The following ZNF638 variants were observed in gnomAD, a reference collection of about 807,000 sequenced individuals.
The protein encoded by ZNF638 is CTCL tumor antigen se33-1.
A neutral mutation model predicts 195.6 loss-of-function variants in ZNF638; 46 were observed. The observed-to-expected ratio is 0.24, with a 90% CI of 0.19 to 0.30. ZNF638 has a LOEUF of 0.30. Among genes scored for constraint, ZNF638 ranks in the 10% least tolerant of loss-of-function variants. The pLI is 1.00. For synonymous variants in ZNF638, 845 were observed against 772.0 expected (o/e 1.09, Z -1.57); for missense variants, 2,440 against 2,325.3 (o/e 1.05, Z -1.01).
Position 71,379,715 on chromosome 2 carries a change from G to A in ZNF638, c.2266-507G>A, listed in dbSNP as rs150524631. On this transcript the variant is annotated intron_variant, in intron 8 of 27. Coordinates refer to ENST00000264447, the MANE Select transcript of ZNF638 (RefSeq NM_014497.5). ...ATTTTGACAGACCGTATTCACGTAA[G>A]TTTTATTACACTATATTCTTACAAC... is the stretch of plus-strand genomic sequence containing the variant. The A allele has an allele frequency of 5.3e-5, 8 of 152,328 alleles. No individual in the cohort carries two copies. In the East Asian group the frequency reaches 1.5e-3, roughly 29 times the overall value. The allele number at this position is 152,328 out of a possible 1,614,324, so 9.4% of individuals were successfully genotyped here.
chr2:71,408,510 A>ACT, intron 20 of ZNF638: 1 of 366,286 alleles, frequency 2.7e-6, no homozygotes, highest in Non-Finnish European at 5.0e-6. Context: ...GTGTATAGTG[A>ACT]CTCTTTGTAT....
At chr2:71,339,593 A>G (rs1459090914) in intron 1 of ZNF638, among the ~76,000 whole-genome samples, 2 of 152,200 alleles carry the variant, frequency 1.3e-5, no homozygotes, top group Non-Finnish European at 1.5e-5. Flanking sequence ...AACAATTGGG[A>G]CTGGATATTG....
intron 8 of ZNF638, among the ~76,000 whole-genome samples, chr2:71,373,437 A>ATTTTTTTTTTT (rs754117239): frequency 1.4e-5 from 1 of 71,012 alleles, no homozygotes; most frequent in African/African-American, 5.6e-5. Flanking sequence ...TCAAGTTTGA[A>ATTTTTTTTTTT]TTTTTTTTTT....
At chr2:71,395,216 A>T in intron 10 of ZNF638, 1 of 717,096 alleles carries the variant, frequency 1.4e-6, no homozygotes, top group South Asian at 1.5e-5. Context: ...AATTATACTC[A>T]TGTTTGTCTT....
intron 26 of ZNF638, among the ~76,000 whole-genome samples, chr2:71,431,919 G>A (rs1381945813): frequency 6.6e-6 from 1 of 152,184 alleles, no homozygotes; most frequent in Admixed American, 6.5e-5. Flanking sequence ...ACCTGAGAAG[G>A]ATATTTTTAC....
chr2:71,385,092 A>C (rs1035619681), intron 10 of ZNF638, among the ~76,000 whole-genome samples: 1 of 152,244 alleles, frequency 6.6e-6, no homozygotes, highest in Non-Finnish European at 1.5e-5. Context: ...TGACAAAGAC[A>C]CTACACACCT....
In ZNF638 at chr2:71,399,659, G is replaced by A. The variant is rs2079966035; in HGVS notation, c.2587+14G>A. The stretch of plus-strand genomic sequence containing the variant: ...TGACTATACCAGGTAAGCTTGAAAT[G>A]TGGTCATTCAGTGCTTTGTTTTCTT... On this transcript the variant is annotated intron_variant, in intron 13 of 27. Transcript: ENST00000264447. The A allele has an allele frequency of 6.3e-7, 1 of 1,594,130 alleles. No homozygotes were observed. The highest frequency in any genetic ancestry group is 2.2e-5 in the East Asian group (1 of 44,628).
intron 10 of ZNF638, chr2:71,393,573 G>A: frequency 2.8e-6 from 2 of 718,014 alleles, no homozygotes; most frequent in South Asian, 3.0e-5. Context: ...CAACTTACAA[G>A]GCTGAGCAAA....
At chr2:71,403,539 C>A (rs529464015) in intron 16 of ZNF638, among the ~76,000 whole-genome samples, 1 of 152,236 alleles carries the variant, frequency 6.6e-6, no homozygotes, top group Admixed American at 6.5e-5. Context: ...AGAAATATAT[C>A]TGCTACATGC....
rs149932567 is a variant in ZNF638 at position 71,349,099 on chromosome 2, C to T, written c.145C>T (p.Arg49Cys). 35 of 1,613,974 alleles carry T rather than the reference C, an allele frequency of 2.2e-5. No homozygotes were observed. Among genetic ancestry groups the T allele is most frequent in the Non-Finnish European group, 2.4e-5 (28 of 1,180,032 alleles). ...AAGATTTTACCCAGCAGGGAGAGCA[C>T]GTGGAATTCCACACAGATTTGCTGG... is the stretch of plus-strand genomic sequence containing the variant. ...LPRFYPAGRA[R>C]GIPHRFAGHE... Residue 49 changes from arginine to cysteine, a missense_variant, in exon 2 of 28, where the codon CGT becomes TGT. By Grantham distance (180) the Arg-to-Cys change is radical. Coordinates refer to ENST00000264447, the MANE Select transcript of ZNF638 (RefSeq NM_014497.5).
chr2:71,427,432 G>A lies in ZNF638; in HGVS notation c.5545+18G>A. On this transcript the variant is annotated intron_variant, in intron 24 of 27. Transcript: ENST00000264447. ...CTTAACAGGTAGATACTTGGAAGGGGTAGTCTTTCTGTTTTATGAGGGGAT... is the reference window on the plus strand; with the variant it reads ...CTTAACAGGTAGATACTTGGAAGGGATAGTCTTTCTGTTTTATGAGGGGAT... 4.7e-6 allele frequency: 7 copies of A among 1,502,396 alleles called. No individual in the cohort carries two copies. Among genetic ancestry groups the A allele is most frequent in the Non-Finnish European group, 6.2e-6 (7 of 1,128,100 alleles). 93.1% of individuals were successfully genotyped at this position (1,502,396 alleles called of 1,614,324 possible).
intron 10 of ZNF638, chr2:71,395,420 C>A: frequency 1.5e-6 from 1 of 645,968 alleles, no homozygotes; most frequent in Admixed American, 2.5e-5. Flanking sequence ...TCTTGGAAGT[C>A]CAGGAGGTTT....
At chr2:71,334,638 T>C (rs2078631646) in intron 1 of ZNF638, 2 of 151,924 alleles carry the variant, frequency 1.3e-5, no homozygotes, top group African/African-American at 2.4e-5. Context: ...ATAATGCGGG[T>C]GAGGGCCGGG....
intron 1 of ZNF638, among the ~76,000 whole-genome samples, chr2:71,339,711 G>A (rs3771379): frequency 6.6e-6 from 1 of 151,890 alleles, no homozygotes; most frequent in Non-Finnish European, 1.5e-5. Flanking sequence ...GCAGTAAATA[G>A]GGCTGTTAAC....
At chr2:71,378,403 A>C (rs1012560098) in intron 8 of ZNF638, among the ~76,000 whole-genome samples, 3 of 152,218 alleles carry the variant, frequency 2.0e-5, no homozygotes, top group African/African-American at 4.8e-5. Flanking sequence ...ATATAGTGCA[A>C]AAGGAAATGA....
rs1470131029 is a variant in ZNF638 at position 71,363,327 on chromosome 2, C to CT, written c.1418+139dup. 103 of 636,684 alleles carry CT rather than the reference C, an allele frequency of 1.6e-4. 2 individuals carry two copies. The highest frequency in any genetic ancestry group is 1.1e-4 in the Non-Finnish European group (43 of 375,676). 39.4% of individuals were successfully genotyped at this position (636,684 alleles called of 1,614,324 possible). On this transcript the variant is annotated intron_variant, in intron 4 of 27. Coordinates refer to ENST00000264447, the MANE Select transcript of ZNF638 (RefSeq NM_014497.5). ...GGCAAATGCAAAAACCTCTATGAAT[C>CT]TTTAACTTATTCCAGCTTAAAGGTG...
chr2:71,346,246 A>G (rs1012413632), intron 1 of ZNF638, among the ~76,000 whole-genome samples: 7 of 152,366 alleles, frequency 4.6e-5, no homozygotes, highest in African/African-American at 1.7e-4. Flanking sequence ...TGTAATAACT[A>G]CATGATAAAC....
chr2:71,388,154 TTGGA>T (rs2079683193), intron 10 of ZNF638, among the ~76,000 whole-genome samples: 1 of 152,146 alleles, frequency 6.6e-6, no homozygotes, highest in Non-Finnish European at 1.5e-5. Flanking sequence ...GCAAACCTTC[TTGGA>T]AGTCCTGGGA....
rs1306527518 is a variant in ZNF638, at chr2:71,426,723, A to G, written c.4854A>G (p.Leu1618=). ...EDAAAHLAQA[L]VTVDEVIDEE... ...CAGCTGCACATCTAGCACAAGCTCT[A>G]GTCACTGTGGATGAAGTAATTGATG... Residue 1618 remains leucine, a synonymous_variant, in exon 24 of 28, where the codon CTA becomes CTG. Coordinates refer to ENST00000264447, the MANE Select transcript of ZNF638 (RefSeq NM_014497.5). 1 of 1,614,214 alleles carries G rather than the reference A, an allele frequency of 6.2e-7. No homozygotes were observed. The highest frequency in any genetic ancestry group is 8.5e-7 in the Non-Finnish European group (1 of 1,180,030).
Sources: allele counts gnomAD v4.1 joint callset (sites outside exome capture counted in the v4.1 genomes callset), GRCh38; gene constraint gnomAD v4.1.1; transcripts MANE v1.5; gene names NCBI Gene and HGNC (gene_info 2026-07-23, HGNC 2026-07-21).